NELL1: variants seen among roughly 807,000 people sequenced by gnomAD.
NELL1 encodes protein kinase C-binding protein NELL1.
A neutral mutation model predicts 107.4 loss-of-function variants in NELL1; 76 were observed. The observed-to-expected ratio is 0.71, with a 90% CI of 0.59 to 0.86. The LOEUF (loss-of-function observed/expected upper bound fraction) is 0.86, where lower values mean the gene tolerates loss of function less well. NELL1 is among the 40% of genes least tolerant of loss of function. The probability of loss-of-function intolerance (pLI) is 0.00; values close to 1 mark genes in which losing one functional copy is unlikely to be tolerated. For synonymous variants in NELL1, 353 were observed against 341.2 expected, an observed-to-expected ratio of 1.03 and a Z score of -0.38; for missense variants, 1,024 against 1,005.5, an observed-to-expected ratio of 1.02 and a Z score of -0.25.
At chr11:20,885,643 C>A in intron 5 of NELL1, 103 bp downstream of exon 5, 1 of 738,870 alleles carries the variant, frequency 1.4e-6, no homozygotes, top group Non-Finnish European at 2.4e-6. Flanking sequence ...GTGGGAAGGG[C>A]ATGGCATAAT....
chr11:21,111,888 A>G (rs879622067), intron 12 of NELL1, among the ~76,000 whole-genome samples: 1 of 152,048 alleles, frequency 6.6e-6, no homozygotes, highest in Non-Finnish European at 1.5e-5. Context: ...CCAGCCTCTC[A>G]CTTGTTATGC....
chr11:21,361,377 T>G (rs1325206650), intron 14 of NELL1, among the ~76,000 whole-genome samples: 5 of 151,764 alleles, frequency 3.3e-5, no homozygotes, highest in Non-Finnish European at 5.9e-5. Flanking sequence ...AGATTTTCCT[T>G]TATAGGTTAA....
intron 5 of NELL1, among the ~76,000 whole-genome samples, chr11:20,914,924 G>C (rs1850212411): frequency 6.6e-6 from 1 of 151,928 alleles, no homozygotes; most frequent in South Asian, 2.1e-4. Flanking sequence ...CCAAAATTCT[G>C]ATATATACCC....
At chr11:21,195,084 G>GA (rs1857124834) in intron 13 of NELL1, among the ~76,000 whole-genome samples, 1 of 151,934 alleles carries the variant, frequency 6.6e-6, no homozygotes, top group Non-Finnish European at 1.5e-5. Flanking sequence ...TTTTCACTGG[G>GA]AAAAAAATTA....
At position 20,701,383 on chromosome 11, in the gene NELL1, A is replaced by C. The variant is rs183717774; in HGVS notation, c.184+23323A>C. Among the ~76,000 whole-genome samples, 257 of 151,790 alleles carry C rather than the reference A, an allele frequency of 1.7e-3. 1 individual carries two copies. Among genetic ancestry groups the C allele is most frequent in the African/African-American group, 5.9e-3 (243 of 41,262 alleles). Reference sequence around the variant, plus strand: ...TTGATTTTTTCTTGTAAGTTTGTTTAAGTTCTTTGTAGATTCTGGATATTA... The same window carrying C: ...TTGATTTTTTCTTGTAAGTTTGTTTCAGTTCTTTGTAGATTCTGGATATTA... On this transcript the variant is annotated intron_variant, in intron 2 of 19. Coordinates refer to ENST00000357134, the MANE Select transcript of NELL1 (RefSeq NM_006157.5).
chr11:20,674,424 G>C, intron 1 of NELL1: 1 of 1,274,990 alleles, frequency 7.8e-7, no homozygotes. Flanking sequence ...GTCCTCATGA[G>C]TCTGGTGTAA....
intron 2 of NELL1, among the ~76,000 whole-genome samples, chr11:20,737,421 A>G (rs1855787538): frequency 6.6e-6 from 1 of 152,290 alleles, no homozygotes; most frequent in Admixed American, 6.5e-5. Context: ...AAAAGCAACA[A>G]TTATTATAAT....
At chr11:21,086,147 G>A (rs1854386255) in intron 12 of NELL1, among the ~76,000 whole-genome samples, 1 of 152,176 alleles carries the variant, frequency 6.6e-6, no homozygotes, top group Non-Finnish European at 1.5e-5. Context: ...CTTGTAGGCA[G>A]GGGCTGTGTC....
intron 3 of NELL1, among the ~76,000 whole-genome samples, chr11:20,815,249 G>C (rs1484307846): frequency 3.3e-5 from 5 of 151,954 alleles, no homozygotes; most frequent in African/African-American, 1.2e-4. Flanking sequence ...ATTTTTAGTA[G>C]AGACAGGGTT....
chr11:21,399,567 T>C (rs190507780), intron 15 of NELL1, among the ~76,000 whole-genome samples: 104 of 152,002 alleles, frequency 6.8e-4, no homozygotes, highest in African/African-American at 2.4e-3. Context: ...TTGAACATTA[T>C]ATACCAGATG....
chr11:21,013,272 G>T (rs115551062), intron 12 of NELL1, among the ~76,000 whole-genome samples: 4 of 152,072 alleles, frequency 2.6e-5, no homozygotes, highest in Non-Finnish European at 4.4e-5. Flanking sequence ...TTGGCCACCC[G>T]CTGGGACCTG....
intron 13 of NELL1, among the ~76,000 whole-genome samples, chr11:21,132,786 G>T (rs998085973): frequency 6.6e-6 from 1 of 152,094 alleles, no homozygotes; most frequent in Admixed American, 6.5e-5. Context: ...GGTGGGGGAG[G>T]GGAGTGTTAG....
chr11:20,755,642 G>C (rs537703094), intron 2 of NELL1, among the ~76,000 whole-genome samples: 77 of 146,736 alleles, frequency 5.2e-4, no homozygotes, highest in African/African-American at 1.9e-3. Flanking sequence ...TGCAACCTCT[G>C]TCTCCTGGGT....
intron 14 of NELL1, among the ~76,000 whole-genome samples, chr11:21,297,163 G>A (rs1301563542): frequency 6.6e-6 from 1 of 151,896 alleles, no homozygotes; most frequent in Non-Finnish European, 1.5e-5. Context: ...ATCTATAATA[G>A]CAAAGGAAGA....
intron 12 of NELL1, among the ~76,000 whole-genome samples, chr11:21,086,472 T>C (rs1269286006): frequency 6.6e-6 from 1 of 152,184 alleles, no homozygotes; most frequent in Non-Finnish European, 1.5e-5. Flanking sequence ...AGGTCATCAA[T>C]ATAGTAGCTA....
intron 13 of NELL1, among the ~76,000 whole-genome samples, chr11:21,167,389 G>C (rs1259198173): frequency 6.6e-6 from 1 of 151,852 alleles, no homozygotes; most frequent in Non-Finnish European, 1.5e-5. Flanking sequence ...TTTAGACAAT[G>C]GGATGGAACA....
intron 2 of NELL1, among the ~76,000 whole-genome samples, chr11:20,708,247 G>C (rs1242088852): frequency 6.6e-6 from 1 of 152,206 alleles, no homozygotes; most frequent in African/African-American, 2.4e-5. Flanking sequence ...ATCTGTCATG[G>C]CTTCCCTTGG....
At chr11:21,527,721 G>C (rs1262649903) in intron 15 of NELL1, among the ~76,000 whole-genome samples, 2 of 152,154 alleles carry the variant, frequency 1.3e-5, no homozygotes, top group Non-Finnish European at 2.9e-5. Flanking sequence ...GAAACCCTGA[G>C]AGTCCCTGGC....
In NELL1 at chr11:21,079,713, C is replaced by T. The variant is rs374346189; in HGVS notation, c.1301-33876C>T. ...CACAGCACTATATGCCAAACTTCCA[C>T]ATGGCCAAAACTATATTTTGAAATA... On this transcript the variant is annotated intron_variant, in intron 12 of 19. Coordinates refer to ENST00000357134, the MANE Select transcript of NELL1 (RefSeq NM_006157.5). Among the ~76,000 whole-genome samples, 4 of 152,196 alleles carry T rather than the reference C, an allele frequency of 2.6e-5. No individual in the cohort carries two copies. In the East Asian group the frequency reaches 5.8e-4, roughly 22 times the overall value.
Sources: gnomAD v4.1 joint callset for allele counts (sites outside exome capture counted in the v4.1 genomes callset) on GRCh38, gnomAD v4.1.1 for gene constraint, MANE v1.5 for transcripts, NCBI Gene and HGNC (gene_info 2026-07-23, HGNC 2026-07-21) for gene names.